The following CAB39 variants were observed in gnomAD, a reference collection of about 807,000 sequenced individuals.
The protein encoded by CAB39 is calcium binding protein 39.
Under a neutral mutation model 40.0 loss-of-function variants are expected in CAB39, and 8 were observed. The ratio of observed to expected loss-of-function variants is 0.20; its 90% confidence interval spans 0.12 to 0.36. The LOEUF is 0.36. Ranked by LOEUF, CAB39 falls within the 10% of genes least tolerant of loss-of-function variation. CAB39 has a pLI of 1.00. For synonymous variants in CAB39, 156 were observed against 141.6 expected, an observed-to-expected ratio of 1.10 and a Z score of -0.72; for missense variants, 270 against 401.1, an observed-to-expected ratio of 0.67 and a Z score of 2.79.
At chr2:230,789,530 T>C (rs1212973583) in intron 2 of CAB39, among the ~76,000 whole-genome samples, 1 of 152,224 alleles carries the variant, frequency 6.6e-6, no homozygotes, top group African/African-American at 2.4e-5. Context: ...AGTACTTTGC[T>C]TGATGACTAG....
At chr2:230,753,743 C>CAAAAA (rs60868418) in intron 1 of CAB39, among the ~76,000 whole-genome samples, 1 of 85,514 alleles carries the variant, frequency 1.2e-5, no homozygotes, top group Admixed American at 1.4e-4. Flanking sequence ...GACTCCATCT[C>CAAAAA]AAAAAAAAAA....
At chr2:230,811,381 C>T (rs148013499) in intron 6 of CAB39, among the ~76,000 whole-genome samples, 1 of 152,312 alleles carries the variant, frequency 6.6e-6, no homozygotes, top group East Asian at 1.9e-4. Context: ...ACAAGTCCTT[C>T]ATAAGTAGCC....
intron 3 of CAB39, among the ~76,000 whole-genome samples, chr2:230,791,638 A>G (rs1695893956): frequency 6.6e-6 from 1 of 152,090 alleles, no homozygotes. Context: ...TTGGCCCTTC[A>G]GCTAGAGCAG....
intron 2 of CAB39, among the ~76,000 whole-genome samples, chr2:230,761,995 C>T (rs892543233): frequency 6.6e-6 from 1 of 152,028 alleles, no homozygotes; most frequent in Non-Finnish European, 1.5e-5. Flanking sequence ...GTAACCTCTA[C>T]GTTCCATGTT....
intron 5 of CAB39, among the ~76,000 whole-genome samples, chr2:230,803,403 C>T (rs1169973261): frequency 2.6e-5 from 4 of 151,944 alleles, no homozygotes; most frequent in Non-Finnish European, 4.4e-5. Context: ...AAGTTCTGGC[C>T]AGGGCAATCA....
At chr2:230,739,167 A>G (rs948862136) in intron 1 of CAB39, among the ~76,000 whole-genome samples, 5 of 152,244 alleles carry the variant, frequency 3.3e-5, no homozygotes, top group South Asian at 2.1e-4. Context: ...CATATGGACT[A>G]TGTTTACACA....
Position 230,819,841 on chromosome 2 carries a change from T to C in CAB39, c.*1137T>C, listed in dbSNP as rs1288524508. 1 of 152,554 alleles carries C rather than the reference T, an allele frequency of 6.6e-6. No homozygotes were observed. The highest frequency in any genetic ancestry group is 1.9e-4 in the East Asian group (1 of 5,198). 9.5% of individuals were successfully genotyped at this position (152,554 alleles called of 1,614,324 possible). ...TGTGAATGATAGAGATTATGCTAAA[T>C]TAATGCTGATTCTTTGTGTGTGTGG... On this transcript the variant is annotated 3_prime_UTR_variant, in exon 9 of 9. Coordinates refer to ENST00000258418, the MANE Select transcript of CAB39 (RefSeq NM_016289.4).
At chr2:230,751,425 G>A (rs1027600893) in intron 1 of CAB39, among the ~76,000 whole-genome samples, 2 of 152,216 alleles carry the variant, frequency 1.3e-5, no homozygotes, top group African/African-American at 4.8e-5. Context: ...GAAATGGAGT[G>A]AATGAATGTT....
Position 230,818,906 on chromosome 2 carries a change from C to G in CAB39, c.*202C>G, listed in dbSNP as rs6716468. On this transcript the variant is annotated 3_prime_UTR_variant, in exon 9 of 9. Coordinates refer to ENST00000258418, the MANE Select transcript of CAB39 (RefSeq NM_016289.4). ...GCACACTAGGGCACATGTGGGCTTT[C>G]TCTTGATCTTTGTGTCATTTCAGAA... 11,643 of 500,382 alleles carry G rather than the reference C, an allele frequency of 0.023. 201 individuals are homozygous for G. The highest frequency in any genetic ancestry group is 0.032 in the Middle Eastern group (60 of 1,860). The allele number at this position is 500,382 out of a possible 1,614,324, so 31.0% of individuals were successfully genotyped here. A position where few individuals can be genotyped will look rare whatever the true frequency, so the allele number is the denominator to read the frequency against.
chr2:230,773,011 T>C (rs544096638), intron 2 of CAB39, among the ~76,000 whole-genome samples: 1 of 147,922 alleles, frequency 6.8e-6, no homozygotes, highest in Non-Finnish European at 1.5e-5. Flanking sequence ...AAACTATTGC[T>C]GTATACAACA....
intron 1 of CAB39, among the ~76,000 whole-genome samples, chr2:230,714,563 G>A (rs1012103685): frequency 1.3e-5 from 2 of 152,184 alleles, no homozygotes; most frequent in East Asian, 3.8e-4. Flanking sequence ...TTTGTATTAG[G>A]CGTATGTACT....
intron 1 of CAB39, among the ~76,000 whole-genome samples, chr2:230,726,256 G>A (rs1694570147): frequency 1.3e-5 from 2 of 151,900 alleles, no homozygotes; most frequent in Admixed American, 1.3e-4. Context: ...TCTGCCTCCT[G>A]GATTCAAGCA....
chr2:230,748,831 A>AAATATATAT lies in CAB39; in HGVS notation c.-43-11127_-43-11126insATATATATA, dbSNP rs1386799920. On this transcript the variant is annotated intron_variant, in intron 1 of 8. Coordinates refer to ENST00000258418, the MANE Select transcript of CAB39 (RefSeq NM_016289.4). Reference sequence around the variant, plus strand: ...CCAAAAAGAAAAAAAAAAAAAAAAAAATATATATATATATATATATATATA... The same window carrying AAATATATAT: ...CCAAAAAGAAAAAAAAAAAAAAAAAAAATATATATATATATATATATATATATATATATA... 6.0e-4 allele frequency among the ~76,000 whole-genome samples: 17 copies of AAATATATAT among 28,512 alleles called. 1 individual carries two copies. Among genetic ancestry groups the AAATATATAT allele is most frequent in the Non-Finnish European group, 8.2e-4 (13 of 15,762 alleles). The allele number at this position is 28,512 out of a possible 152,430, so 18.7% of individuals were successfully genotyped here. A position where few individuals can be genotyped will look rare whatever the true frequency, so the allele number is the denominator to read the frequency against.
intron 2 of CAB39, among the ~76,000 whole-genome samples, chr2:230,768,671 A>C (rs563491284): frequency 3.3e-5 from 5 of 152,322 alleles, no homozygotes; most frequent in Middle Eastern, 3.4e-3. Flanking sequence ...AAACGGGTCA[A>C]TTAGGTGGAG....
At chr2:230,719,882 G>A (rs1376110529) in intron 1 of CAB39, among the ~76,000 whole-genome samples, 1 of 152,130 alleles carries the variant, frequency 6.6e-6, no homozygotes, top group African/African-American at 2.4e-5. Flanking sequence ...TGCAGTCTGA[G>A]TACTTTATGG....
intron 4 of CAB39, among the ~76,000 whole-genome samples, chr2:230,796,347 AT>A (rs797016792): frequency 1.3e-5 from 2 of 148,796 alleles, no homozygotes; most frequent in African/African-American, 4.9e-5. Context: ...TTTGGAGGCG[AT>A]TTTTTTTTTA....
chr2:230,759,359 A>G (rs1695249536), intron 1 of CAB39, among the ~76,000 whole-genome samples: 1 of 152,194 alleles, frequency 6.6e-6, no homozygotes, highest in African/African-American at 2.4e-5. Flanking sequence ...AGAGACCTAG[A>G]TAGTAGGCTG....
intron 2 of CAB39, among the ~76,000 whole-genome samples, chr2:230,789,495 A>G (rs1029995434): frequency 2.6e-5 from 4 of 152,170 alleles, no homozygotes; most frequent in Non-Finnish European, 5.9e-5. Context: ...TTAATTTTGT[A>G]TGCCTACTGA....
At chr2:230,723,021 A>G (rs538890810) in intron 1 of CAB39, among the ~76,000 whole-genome samples, 2 of 152,332 alleles carry the variant, frequency 1.3e-5, no homozygotes, top group South Asian at 2.1e-4. Context: ...TGTTAAAAGA[A>G]TGAATACTTT....
Sources: allele counts gnomAD v4.1 joint callset (sites outside exome capture counted in the v4.1 genomes callset), GRCh38; gene constraint gnomAD v4.1.1; transcripts MANE v1.5; gene names NCBI Gene and HGNC (gene_info 2026-07-23, HGNC 2026-07-21).